SGCZ: variants seen among roughly 807,000 people sequenced by gnomAD.
SGCZ encodes zeta-sarcoglycan.
Under a neutral mutation model 41.3 loss-of-function variants are expected in SGCZ, and 40 were observed. The ratio of observed to expected loss-of-function variants is 0.97; its 90% CI spans 0.75 to 1.26. SGCZ has a LOEUF of 1.26. Among genes scored for constraint, SGCZ ranks in the 50% most tolerant of loss-of-function variants. SGCZ has a pLI of 0.00. For missense variants in SGCZ, 552 were observed against 369.8 expected (o/e 1.49, Z -4.04); for synonymous variants, 206 against 137.5 (o/e 1.50, Z -3.49).
intron 1 of SGCZ, among the ~76,000 whole-genome samples, chr8:14,693,764 G>C (rs911769710): frequency 6.6e-6 from 1 of 151,466 alleles, no homozygotes; most frequent in Non-Finnish European, 1.5e-5. Context: ...CTAATTTTTT[G>C]TATTTTTAGT....
At chr8:14,244,309 G>C (rs539103911) in intron 3 of SGCZ, among the ~76,000 whole-genome samples, 2 of 150,480 alleles carry the variant, frequency 1.3e-5, no homozygotes, top group South Asian at 4.2e-4. Flanking sequence ...AGCAAGGTTG[G>C]TAAAAATTCA....
chr8:14,972,736 A>G (rs1801342215), intron 1 of SGCZ, among the ~76,000 whole-genome samples: 2 of 152,202 alleles, frequency 1.3e-5, no homozygotes, highest in South Asian at 4.1e-4. Flanking sequence ...TTCAAGAGAT[A>G]TACCACTTCA....
At chr8:15,162,925 G>A (rs1196922878) in intron 1 of SGCZ, among the ~76,000 whole-genome samples, 2 of 152,212 alleles carry the variant, frequency 1.3e-5, no homozygotes, top group Non-Finnish European at 2.9e-5. Context: ...AAATGAAGAT[G>A]AAAGAGGAGA....
intron 3 of SGCZ, among the ~76,000 whole-genome samples, chr8:14,294,558 TG>T (rs1380864930): frequency 6.6e-6 from 1 of 151,992 alleles, no homozygotes; most frequent in Non-Finnish European, 1.5e-5. Context: ...GTGAAAAAAT[TG>T]TTAAATCAAA....
rs190822287 is a variant in SGCZ, at chr8:14,730,857, G to C, written c.40-175931C>G. Among the ~76,000 whole-genome samples, 114 of 151,950 alleles carry C rather than the reference G, an allele frequency of 7.5e-4. 1 individual carries two copies. The highest frequency in any genetic ancestry group is 1.4e-3 in the Admixed American group (21 of 15,264). ...ATGCTGTAGCATCTCACACCAGTTAGAATGGCGATCAATAAAAAGTCAGGG... is the reference window on the plus strand; with the variant it reads ...ATGCTGTAGCATCTCACACCAGTTACAATGGCGATCAATAAAAAGTCAGGG... On this transcript the variant is annotated intron_variant, in intron 1 of 7. Transcript: ENST00000382080.
chr8:14,630,985 C>T (rs1012729012), intron 1 of SGCZ, among the ~76,000 whole-genome samples: 5 of 151,496 alleles, frequency 3.3e-5, no homozygotes, highest in African/African-American at 7.3e-5. Flanking sequence ...CAAACCTGCA[C>T]GTTGTGCACA....
At chr8:14,505,663 GAT>G (rs1802283878) in intron 2 of SGCZ, among the ~76,000 whole-genome samples, 1 of 152,108 alleles carries the variant, frequency 6.6e-6, no homozygotes, top group South Asian at 2.1e-4. Context: ...GAATTTAAAA[GAT>G]AAACCAGCAG....
chr8:14,839,453 G>C (rs1184011724), intron 1 of SGCZ, among the ~76,000 whole-genome samples: 1 of 152,126 alleles, frequency 6.6e-6, no homozygotes, highest in Non-Finnish European at 1.5e-5. Context: ...TTTATGTCTG[G>C]AGTTCAGGAG....
At chr8:14,374,231 T>A (rs1167235024) in intron 2 of SGCZ, among the ~76,000 whole-genome samples, 2 of 151,922 alleles carry the variant, frequency 1.3e-5, no homozygotes, top group African/African-American at 4.8e-5. Context: ...ATACAAAAAT[T>A]AGCTGGGCGT....
intron 1 of SGCZ, among the ~76,000 whole-genome samples, chr8:14,673,647 T>C (rs942624538): frequency 2.6e-5 from 4 of 152,186 alleles, no homozygotes; most frequent in Non-Finnish European, 5.9e-5. Flanking sequence ...AATGGACTAA[T>C]ACAATGGTAA....
chr8:15,092,633 C>G (rs1806196078), intron 1 of SGCZ, among the ~76,000 whole-genome samples: 1 of 152,152 alleles, frequency 6.6e-6, no homozygotes, highest in African/African-American at 2.4e-5. Flanking sequence ...AAACAACTGT[C>G]AATTTTAAAA....
intron 2 of SGCZ, among the ~76,000 whole-genome samples, chr8:14,366,027 A>C (rs1328923866): frequency 3.3e-5 from 5 of 152,222 alleles, no homozygotes; most frequent in Admixed American, 6.6e-5. Flanking sequence ...GAAATTTGAT[A>C]AACTTTGTAC....
chr8:14,183,836 T>A (rs571301142), intron 4 of SGCZ, among the ~76,000 whole-genome samples: 1 of 152,110 alleles, frequency 6.6e-6, no homozygotes, highest in Non-Finnish European at 1.5e-5. Flanking sequence ...AAAACTAGAA[T>A]GGAATAAAAG....
Position 15,197,105 on chromosome 8 carries a change from G to C in SGCZ, c.39+40480C>G, listed in dbSNP as rs77169363. Among the ~76,000 whole-genome samples the C allele has an allele frequency of 8.2e-3, 1,253 of 152,308 alleles. 16 individuals are homozygous for C. Among genetic ancestry groups the C allele is most frequent in the African/African-American group, 0.027 (1,119 of 41,560 alleles). ...AGACACAAACCCAGTTCAGATTCAA[G>C]GGGTAGGGAAATGGACTTAACCCCT... On this transcript the variant is annotated intron_variant, in intron 1 of 7. Coordinates refer to ENST00000382080, the MANE Select transcript of SGCZ (RefSeq NM_139167.4).
intron 3 of SGCZ, among the ~76,000 whole-genome samples, chr8:14,311,405 G>A (rs13266057): frequency 0.3 from 45,032 of 151,850 alleles, 8,387 homozygotes; most frequent in Non-Finnish European, 0.43. Context: ...TGTTATTTTT[G>A]GTGCATGCTA....
intron 2 of SGCZ, among the ~76,000 whole-genome samples, chr8:14,534,951 G>A (rs1005400590): frequency 1.3e-5 from 2 of 151,926 alleles, no homozygotes; most frequent in African/African-American, 2.4e-5. Flanking sequence ...AAGTTAAATC[G>A]ATAATGCAAG....
intron 7 of SGCZ, among the ~76,000 whole-genome samples, chr8:14,096,066 T>C (rs1342888093): frequency 6.6e-6 from 1 of 152,160 alleles, no homozygotes; most frequent in African/African-American, 2.4e-5. Context: ...CAATTTGCCT[T>C]CCTGTATTCT....
At chr8:14,978,795 A>ATT (rs78675883) in intron 1 of SGCZ, among the ~76,000 whole-genome samples, 1 of 151,940 alleles carries the variant, frequency 6.6e-6, no homozygotes, top group African/African-American at 2.4e-5. Flanking sequence ...AGAGTTTACA[A>ATT]TTTTTTGTTT....
intron 1 of SGCZ, among the ~76,000 whole-genome samples, chr8:15,033,324 C>A (rs767160988): frequency 6.6e-6 from 1 of 152,010 alleles, no homozygotes; most frequent in Non-Finnish European, 1.5e-5. Flanking sequence ...GCCTCAGACT[C>A]CAGGAAAGCA....
Sources: gnomAD v4.1 joint callset for allele counts (sites outside exome capture counted in the v4.1 genomes callset) on GRCh38, gnomAD v4.1.1 for gene constraint, MANE v1.5 for transcripts, NCBI Gene and HGNC (gene_info 2026-07-23, HGNC 2026-07-21) for gene names.